Variants in HPRT1 observed in about 807,000 individuals in gnomAD.
HPRT1 encodes the protein hypoxanthine-guanine phosphoribosyltransferase.
HPRT1 carries 4 observed loss-of-function variants against 19.0 expected under a neutral mutation model. The ratio of observed to expected loss-of-function variants is 0.21; its 90% CI spans 0.10 to 0.48. The LOEUF is 0.48. Among genes scored for constraint, HPRT1 ranks in the 20% least tolerant of loss-of-function variants. The pLI is 0.98. For missense variants in HPRT1, 65 were observed against 164.0 expected (o/e 0.40, Z 3.30); for synonymous variants, 53 against 54.9 (o/e 0.97, Z 0.15).
chrX:134,488,201 C>T (rs1273155171), intron 4 of HPRT1, among the ~76,000 whole-genome samples: 2 of 110,687 alleles, frequency 1.8e-5, no homozygotes, highest in African/African-American at 6.6e-5. Context: ...TGCAGTAGTA[C>T]GATCTTGGCT....
chrX:134,495,448 A>T (rs2077678035), intron 6 of HPRT1, among the ~76,000 whole-genome samples: 1 of 111,912 alleles, frequency 8.9e-6, no homozygotes, highest in Non-Finnish European at 1.9e-5. Flanking sequence ...TGAGTCAAGG[A>T]GATAATATAT....
At chrX:134,460,966 C>A (rs1202422703) in intron 1 of HPRT1, among the ~76,000 whole-genome samples, 2 of 111,532 alleles carry the variant, frequency 1.8e-5, no homozygotes, top group East Asian at 2.8e-4. Context: ...AGCCGAAATT[C>A]ACATGTGCTA....
chrX:134,486,637 T>G (rs767316616), intron 4 of HPRT1, 107 bp downstream of exon 4: 3 of 533,537 alleles, frequency 5.6e-6, no homozygotes, highest in Non-Finnish European at 1.0e-5. Flanking sequence ...TATAACTAAA[T>G]GGGTTATTTA....
At chrX:134,480,387 T>TA (rs749585060) in intron 3 of HPRT1, among the ~76,000 whole-genome samples, 4 of 110,770 alleles carry the variant, frequency 3.6e-5, no homozygotes, top group Non-Finnish European at 7.5e-5. Context: ...TTTTGCCAAT[T>TA]ACGGGATTTT....
intron 6 of HPRT1, among the ~76,000 whole-genome samples, chrX:134,495,069 T>C (rs2077676896): frequency 9.0e-6 from 1 of 110,600 alleles, no homozygotes; most frequent in South Asian, 3.9e-4. Context: ...GTCTAATATT[T>C]CCACTCTCCC....
At chrX:134,497,469 T>TA (rs1327538586) in intron 6 of HPRT1, among the ~76,000 whole-genome samples, 13 of 106,697 alleles carry the variant, frequency 1.2e-4, no homozygotes, top group South Asian at 4.1e-4. Flanking sequence ...CTGTCTCTAC[T>TA]AAAAAAAATA....
At position 134,485,108 on chromosome X, in the gene HPRT1, A is replaced by G. The variant is rs146750437; in HGVS notation, c.319-1357A>G. On this transcript the variant is annotated intron_variant, in intron 3 of 8. Coordinates refer to ENST00000298556, the MANE Select transcript of HPRT1 (RefSeq NM_000194.3). ...TGCTATGTCATTTTCAAAAGAAGCT[A>G]TGCCAATTAATACTCTCACCAACAA... Among the ~76,000 whole-genome samples the G allele has an allele frequency of 2.8e-4, 31 of 112,651 alleles. 1 individual carries two copies. The East Asian group carries it at 8.3e-3, about 30-fold the overall frequency.
intron 1 of HPRT1, among the ~76,000 whole-genome samples, chrX:134,463,525 G>C (rs960095034): frequency 3.6e-5 from 4 of 111,050 alleles, no homozygotes; most frequent in Non-Finnish European, 7.5e-5. Flanking sequence ...CCAGGAAATA[G>C]AGCAGTTCAG....
intron 2 of HPRT1, among the ~76,000 whole-genome samples, chrX:134,473,923 C>G (rs1200797288): frequency 8.9e-6 from 1 of 111,902 alleles, no homozygotes; most frequent in East Asian, 2.8e-4. Context: ...ATTATAATAT[C>G]AAAATATTTG....
intron 3 of HPRT1, among the ~76,000 whole-genome samples, chrX:134,477,357 G>A (rs1272379920): frequency 1.8e-5 from 2 of 109,278 alleles, no homozygotes; most frequent in Non-Finnish European, 3.8e-5. Context: ...CACCGTGCCC[G>A]GCCGACATGT....
intron 3 of HPRT1, among the ~76,000 whole-genome samples, chrX:134,475,647 G>A (rs1175409308): frequency 8.9e-6 from 1 of 111,753 alleles, no homozygotes; most frequent in African/African-American, 3.3e-5. Context: ...ACATACTGGT[G>A]ACAGATACCC....
In HPRT1 at chrX:134,460,274, C is replaced by T. The variant is rs1183926709; in HGVS notation, c.-38C>T. ...CCTCTGCTCCGCCACCGGCTTCCTCCTCCTGAGCAGTCAGCCCGCGCGCCG... is the reference window on the plus strand; with the variant it reads ...CCTCTGCTCCGCCACCGGCTTCCTCTTCCTGAGCAGTCAGCCCGCGCGCCG... On this transcript the variant is annotated 5_prime_UTR_variant, in exon 1 of 9. Transcript: ENST00000298556. The T allele has an allele frequency of 4.5e-6, 5 of 1,123,150 alleles. No individual in the cohort carries two copies. The highest frequency in any genetic ancestry group is 2.0e-5 in the South Asian group (1 of 51,118). The allele number at this position is 1,123,150 out of a possible 1,213,427, so 92.6% of individuals were successfully genotyped here.
chrX:134,481,274 G>GC (rs1245012063), intron 3 of HPRT1, among the ~76,000 whole-genome samples: 1 of 110,911 alleles, frequency 9.0e-6, no homozygotes, highest in Non-Finnish European at 1.9e-5. Context: ...TTTCTCACTT[G>GC]CCCCCCAAGT....
chrX:134,480,717 G>T, intron 3 of HPRT1, among the ~76,000 whole-genome samples: 1 of 102,458 alleles, frequency 9.8e-6, no homozygotes, highest in Admixed American at 1.1e-4. Context: ...CCAAAGTGCT[G>T]AGATTACAGG....
intron 1 of HPRT1, 124 bp downstream of exon 1, chrX:134,460,462 G>A: frequency 2.0e-6 from 1 of 506,050 alleles, no homozygotes; most frequent in Non-Finnish European, 2.7e-6. Flanking sequence ...CCCGCAGGCG[G>A]GGGCGGCCAG....
rs182773238 is a variant in HPRT1, at chrX:134,468,616, G to A, written c.28-4743G>A. On this transcript the variant is annotated intron_variant, in intron 1 of 8. Coordinates refer to ENST00000298556, the MANE Select transcript of HPRT1 (RefSeq NM_000194.3). ...ACTAAAAATACAAAATTAGCCGGGC[G>A]TGGTGGCGCATGTCTGTAATCCCAG... Among the ~76,000 whole-genome samples, 24 of 109,390 alleles carry A rather than the reference G, an allele frequency of 2.2e-4. No individual in the cohort carries two copies. In the South Asian group the frequency reaches 3.2e-3, roughly 15 times the overall value. 95.0% of individuals were successfully genotyped at this position (109,390 alleles called of 115,157 possible).
chrX:134,499,079 A>G (rs2077688492), intron 8 of HPRT1, among the ~76,000 whole-genome samples: 1 of 112,007 alleles, frequency 8.9e-6, no homozygotes, highest in African/African-American at 3.2e-5. Flanking sequence ...GAAGACTGCA[A>G]CAGTACACTA....
chrX:134,460,462 G>T, intron 1 of HPRT1, 124 bp downstream of exon 1: 1 of 506,049 alleles, frequency 2.0e-6, no homozygotes, highest in Admixed American at 6.4e-5. Flanking sequence ...CCCGCAGGCG[G>T]GGGCGGCCAG....
rs769680528 is a variant in HPRT1 at position 134,498,719 on chromosome X, A to C, written c.609+35A>C. ...TGCTTCTTTTTCTCACTCATTTTTC[A>C]AAACACGCATAAAAATTTAGGAAAG... On this transcript the variant is annotated intron_variant, in intron 8 of 8. Transcript: ENST00000298556. 5 of 910,926 alleles carry C rather than the reference A, an allele frequency of 5.5e-6. No homozygotes were observed. In the South Asian group the frequency reaches 9.9e-5, roughly 18 times the overall value. 75.1% of individuals were successfully genotyped at this position (910,926 alleles called of 1,213,427 possible).
Sources: gnomAD v4.1 joint callset for allele counts (sites outside exome capture counted in the v4.1 genomes callset) on GRCh38, gnomAD v4.1.1 for gene constraint, MANE v1.5 for transcripts, NCBI Gene and HGNC (gene_info 2026-07-23, HGNC 2026-07-21) for gene names.